WNK1: variants seen among roughly 807,000 people sequenced by gnomAD.
The protein encoded by WNK1 is WNK lysine deficient protein kinase 1, also known as serine/threonine-protein kinase WNK1.
A neutral mutation model predicts 222.8 loss-of-function variants in WNK1; 38 were observed. The ratio of observed to expected loss-of-function variants is 0.17; its 90% CI spans 0.13 to 0.22. WNK1 has a LOEUF of 0.22. Among genes scored for constraint, WNK1 ranks in the 10% least tolerant of loss-of-function variants. The probability of loss-of-function intolerance (pLI) is 1.00; values close to 1 mark genes in which losing one functional copy is unlikely to be tolerated. For missense variants in WNK1, 2,348 were observed against 2,918.4 expected (o/e 0.80, Z 4.50); for synonymous variants, 1,090 against 1,092.9 (o/e 1.00, Z 0.05).
chr12:864,913 G>T (rs1951512490), intron 8 of WNK1, among the ~76,000 whole-genome samples: 1 of 151,858 alleles, frequency 6.6e-6, no homozygotes, highest in African/African-American at 2.4e-5. Flanking sequence ...TGACAACGCA[G>T]AATAGTTGTG....
chr12:907,139 C>A (rs993786140), intron 26 of WNK1, among the ~76,000 whole-genome samples: 3 of 151,150 alleles, frequency 2.0e-5, no homozygotes, highest in Non-Finnish European at 4.4e-5. Context: ...CTGGCCAACA[C>A]GGCAAAACCC....
intron 2 of WNK1, 126 bp downstream of exon 2, chr12:813,940 C>CT: frequency 1.0e-6 from 1 of 966,976 alleles, no homozygotes; most frequent in Middle Eastern, 2.9e-4. Context: ...CCAACTGTTA[C>CT]TGTATTAGCA....
chr12:857,088 C>T, intron 4 of WNK1, 73 bp from the exon 5 acceptor site: 1 of 1,497,390 alleles, frequency 6.7e-7, no homozygotes, highest in Non-Finnish European at 9.3e-7. Flanking sequence ...CTAAAAGAAC[C>T]TTAATTGGAA....
intron 1 of WNK1, among the ~76,000 whole-genome samples, chr12:787,633 ATCTT>A (rs943207768): frequency 6.6e-6 from 1 of 152,232 alleles, no homozygotes; most frequent in African/African-American, 2.4e-5. Context: ...TTTAAAAAAA[ATCTT>A]TATCTTTTGT....
In WNK1 at chr12:753,795, A is replaced by C; in HGVS notation, c.230A>C (p.His77Pro). ...GCCGCGACCACTACCACCACTGAGCACCGCTTCTTCCGCCGGAGCGTCATC... is the reference window on the plus strand; with the variant it reads ...GCCGCGACCACTACCACCACTGAGCCCCGCTTCTTCCGCCGGAGCGTCATC... ...GAAATTTTTEHRFFRRSVICD... is the reference protein window; with the variant it reads ...GAAATTTTTEPRFFRRSVICD... Residue 77 changes from histidine (H) to proline (P), a missense_variant, in exon 1 of 28, where the codon CAC becomes CCC. By Grantham distance (77) the His-to-Pro change is moderately conservative (BLOSUM62 -2). Coordinates refer to ENST00000315939, the MANE Select transcript of WNK1 (RefSeq NM_018979.4). The surrounding 1 kb of genome is among the most constrained non-coding windows in gnomAD (Gnocchi z 5.2). The C allele has an allele frequency of 1.2e-6, 2 of 1,612,614 alleles. No homozygotes were observed. Among genetic ancestry groups the C allele is most frequent in the Admixed American group, 1.7e-5 (1 of 60,020 alleles).
chr12:908,794 C>T lies in WNK1; in HGVS notation c.*2C>T, dbSNP rs373237393. The T allele has an allele frequency of 2.4e-5, 37 of 1,571,622 alleles. No homozygotes were observed. The highest frequency in any genetic ancestry group is 1.7e-4 in the Middle Eastern group (1 of 5,828). On this transcript the variant is annotated 3_prime_UTR_variant, in exon 28 of 28. Transcript: ENST00000315939. ...GGCTCCAACCTGCGGACCACTTAGA[C>T]CTAGAGACATTAACTGAATAGATCT...
rs10644583 is a variant in WNK1, at chr12:848,496, C to CTTTTTTT, written c.1312-8651_1312-8645dup. Among the ~76,000 whole-genome samples, 89 of 99,244 alleles carry CTTTTTTT rather than the reference C, an allele frequency of 9.0e-4. 2 individuals are homozygous for CTTTTTTT. Among genetic ancestry groups the CTTTTTTT allele is most frequent in the African/African-American group, 1.2e-3 (32 of 26,700 alleles). The allele number at this position is 99,244 out of a possible 152,430, so 65.1% of individuals were successfully genotyped here. The stretch of plus-strand genomic sequence containing the variant: ...GAGGCAGCAAAGAAGCCAGTAAAAA[C>CTTTTTTT]TTTTTTTTTTTTTTTTTTTTGCTTG... On this transcript the variant is annotated intron_variant, in intron 4 of 27. Transcript: ENST00000315939.
intron 4 of WNK1, among the ~76,000 whole-genome samples, chr12:838,361 A>G (rs1297596956): frequency 2.0e-5 from 3 of 152,078 alleles, no homozygotes; most frequent in African/African-American, 7.2e-5. Flanking sequence ...CATTCCCACC[A>G]TCAGTGTAAG....
Position 796,411 on chromosome 12 carries a change from C to T in WNK1, c.760-17231C>T, listed in dbSNP as rs191625180. ...AGGAAACACATACTTTCCTGTATTA[C>T]GCAATAAGGAGCTTGATAATTGGAA... On this transcript the variant is annotated intron_variant, in intron 1 of 27. Coordinates refer to ENST00000315939, the MANE Select transcript of WNK1 (RefSeq NM_018979.4). Among the ~76,000 whole-genome samples, 75 of 151,912 alleles carry T rather than the reference C, an allele frequency of 4.9e-4. 1 individual carries two copies. The highest frequency in any genetic ancestry group is 4.8e-3 in the East Asian group (25 of 5,172).
At position 758,841 on chromosome 12, in the gene WNK1, C is replaced by T. The variant is rs772261723; in HGVS notation, c.759+4517C>T. On this transcript the variant is annotated intron_variant, in intron 1 of 27. Coordinates refer to ENST00000315939, the MANE Select transcript of WNK1 (RefSeq NM_018979.4). ...ACCTTTTTTCTGACCCGTAGTAACA[C>T]AGTCTGAGAAGTAATCTAAAAACCT... 2.3e-4 allele frequency among the ~76,000 whole-genome samples: 34 copies of T among 146,750 alleles called. 3 individuals are homozygous for T. Among genetic ancestry groups the T allele is most frequent in the Non-Finnish European group, 4.7e-4 (31 of 65,932 alleles).
chr12:865,073 A>G (rs1405377187), intron 8 of WNK1: 1 of 1,478,370 alleles, frequency 6.8e-7, no homozygotes, highest in Non-Finnish European at 9.0e-7. Flanking sequence ...TTTTCACAGT[A>G]CTGTGTTTTT....
chr12:788,715 C>T (rs569777511), intron 1 of WNK1, among the ~76,000 whole-genome samples: 13 of 152,086 alleles, frequency 8.5e-5, no homozygotes, highest in African/African-American at 1.4e-4. Context: ...GGTGAAACCC[C>T]GTCTCTACTA....
rs1211617272 is a variant in WNK1, at chr12:758,888, A to G, written c.759+4564A>G. Among the ~76,000 whole-genome samples, 3 of 147,514 alleles carry G rather than the reference A, an allele frequency of 2.0e-5. 1 individual carries two copies. In the East Asian group the frequency reaches 5.8e-4, roughly 29 times the overall value. On this transcript the variant is annotated intron_variant, in intron 1 of 27. Transcript: ENST00000315939. Reference sequence around the variant, plus strand: ...ACCTGGAAAGAGGTTGTTTTTGTGTAAAACAAACCAGGAATCTATTGTTGC... The same window carrying G: ...ACCTGGAAAGAGGTTGTTTTTGTGTGAAACAAACCAGGAATCTATTGTTGC...
intron 1 of WNK1, among the ~76,000 whole-genome samples, chr12:782,610 T>C (rs556848490): frequency 2.6e-5 from 4 of 152,142 alleles, no homozygotes; most frequent in Non-Finnish European, 4.4e-5. Context: ...GTTTAAGCGA[T>C]TCTCCTGCCT....
intron 8 of WNK1, chr12:869,187 A>T: frequency 6.5e-7 from 1 of 1,548,188 alleles, no homozygotes; most frequent in South Asian, 1.1e-5. Flanking sequence ...TATTTCCCTG[A>T]ATCATGGATT....
Position 896,121 on chromosome 12 carries a change from A to C in WNK1, c.5634A>C (p.Glu1878Asp). 1 of 1,614,242 alleles carries C rather than the reference A, an allele frequency of 6.2e-7. No homozygotes were observed. ...GAQKEGKNKS[E>D]DAKSVHFESS... Reference sequence around the variant, plus strand: ...AGAAAGAGGGTAAAAATAAGTCAGAAGATGCAAAGTCTGTTCATTTTGAAT... The same window carrying C: ...AGAAAGAGGGTAAAAATAAGTCAGACGATGCAAAGTCTGTTCATTTTGAAT... Residue 1878 changes from glutamate (E) to aspartate (D), a missense_variant, in exon 24 of 28, where the codon GAA (glutamate) becomes GAC (aspartate). Glu to Asp is a conservative substitution (Grantham distance 45). This residue lies in a region of WNK1 where 1,144 missense variants were observed against 1,273.6 expected (regional missense o/e 0.90). Transcript: ENST00000315939.
At chr12:802,918 A>G (rs1946022147) in intron 1 of WNK1, among the ~76,000 whole-genome samples, 1 of 152,236 alleles carries the variant, frequency 6.6e-6, no homozygotes, top group Non-Finnish European at 1.5e-5. Flanking sequence ...TTAGATGGAT[A>G]TGTTCAATAA....
chr12:766,074 A>G (rs1300304728), intron 1 of WNK1, among the ~76,000 whole-genome samples: 1 of 152,160 alleles, frequency 6.6e-6, no homozygotes, highest in Non-Finnish European at 1.5e-5. Flanking sequence ...GAGGAAGTTT[A>G]GAAAGTAGAG....
At chr12:837,658 G>A (rs1363356213) in intron 4 of WNK1, among the ~76,000 whole-genome samples, 1 of 151,898 alleles carries the variant, frequency 6.6e-6, no homozygotes, top group East Asian at 1.9e-4. Context: ...AGTTGTTACG[G>A]GCATACTCCT....
Sources: gnomAD v4.1 joint callset for allele counts (sites outside exome capture counted in the v4.1 genomes callset) on GRCh38, gnomAD v4.1.1 for gene constraint, gnomAD v4.1.1 regional missense constraint, Gnocchi (gnomAD v3.1) non-coding constraint, MANE v1.5 for transcripts, NCBI Gene and HGNC (gene_info 2026-07-23, HGNC 2026-07-21) for gene names.